Variants in RANBP17 observed in about 807,000 individuals in gnomAD.
RANBP17 encodes the protein ran-binding protein 17.
RANBP17 carries 158 observed loss-of-function variants against 141.2 expected under a neutral mutation model. The ratio of observed to expected loss-of-function variants is 1.12; its 90% CI spans 0.98 to 1.28. RANBP17 has a LOEUF of 1.28. RANBP17 is among the 50% of genes most tolerant of loss of function. RANBP17 has a pLI of 0.00. For synonymous variants in RANBP17, 430 were observed against 450.0 expected, an observed-to-expected ratio of 0.96 and a Z score of 0.56; for missense variants, 1,438 against 1,290.7, an observed-to-expected ratio of 1.11 and a Z score of -1.75.
chr5:171,249,366 A>G (rs900159017), intron 24 of RANBP17, among the ~76,000 whole-genome samples: 3 of 152,210 alleles, frequency 2.0e-5, no homozygotes, highest in African/African-American at 4.8e-5. Flanking sequence ...CACAGGAAAC[A>G]TGAAAACAAG....
At chr5:171,211,585 G>A (rs1762891463) in intron 20 of RANBP17, among the ~76,000 whole-genome samples, 1 of 143,498 alleles carries the variant, frequency 7.0e-6, no homozygotes, top group African/African-American at 2.6e-5. Context: ...TTTCTAATGT[G>A]TATTTATTTT....
chr5:171,148,530 C>G (rs576101836), intron 14 of RANBP17, among the ~76,000 whole-genome samples: 6 of 151,894 alleles, frequency 4.0e-5, no homozygotes, highest in Non-Finnish European at 8.8e-5. Flanking sequence ...TTGATGCTAT[C>G]AGATACTTGT....
At chr5:170,957,321 G>T (rs1284712863) in intron 13 of RANBP17, among the ~76,000 whole-genome samples, 1 of 152,054 alleles carries the variant, frequency 6.6e-6, no homozygotes, top group East Asian at 1.9e-4. Context: ...AGGGAGAAGA[G>T]TACATTTTTA....
At chr5:171,000,133 A>G (rs970989485) in intron 14 of RANBP17, among the ~76,000 whole-genome samples, 6 of 152,172 alleles carry the variant, frequency 3.9e-5, no homozygotes, top group African/African-American at 7.2e-5. Flanking sequence ...TTGCTTATCC[A>G]TTCATTCATC....
At chr5:171,153,404 A>G (rs916273490) in intron 14 of RANBP17, among the ~76,000 whole-genome samples, 3 of 152,196 alleles carry the variant, frequency 2.0e-5, no homozygotes, top group Non-Finnish European at 4.4e-5. Flanking sequence ...AATACTTATC[A>G]TTACAAATCT....
intron 14 of RANBP17, among the ~76,000 whole-genome samples, chr5:171,052,554 G>C (rs539065102): frequency 6.6e-6 from 1 of 152,070 alleles, no homozygotes; most frequent in African/African-American, 2.4e-5. Context: ...TTTACTTCTG[G>C]ATTCTCAATT....
At chr5:171,237,256 C>T (rs766505622) in intron 22 of RANBP17, among the ~76,000 whole-genome samples, 1 of 152,028 alleles carries the variant, frequency 6.6e-6, no homozygotes, top group Non-Finnish European at 1.5e-5. Flanking sequence ...AGAAGGAGAA[C>T]CCCAAGCAGT....
intron 14 of RANBP17, among the ~76,000 whole-genome samples, chr5:170,992,901 TC>T (rs1778598685): frequency 6.6e-6 from 1 of 152,082 alleles, no homozygotes; most frequent in Admixed American, 6.6e-5. Flanking sequence ...CTCCACATCT[TC>T]TGAATTAGAA....
At chr5:171,051,431 T>TTTC (rs1782946294) in intron 14 of RANBP17, among the ~76,000 whole-genome samples, 1 of 152,140 alleles carries the variant, frequency 6.6e-6, no homozygotes, top group East Asian at 1.9e-4. Flanking sequence ...ACTAATCTAC[T>TTTC]TTCTGTCTGT....
At chr5:170,953,163 A>G (rs181603994) in intron 12 of RANBP17, among the ~76,000 whole-genome samples, 14 of 152,266 alleles carry the variant, frequency 9.2e-5, no homozygotes, top group Middle Eastern at 3.4e-3. Context: ...GACATTGACC[A>G]TTCAGAAAAG....
At chr5:171,295,467 A>C (rs1378851842) in intron 26 of RANBP17, among the ~76,000 whole-genome samples, 1 of 152,206 alleles carries the variant, frequency 6.6e-6, no homozygotes, top group East Asian at 1.9e-4. Context: ...ATAAGGCCTG[A>C]GGAAAGACCC....
intron 21 of RANBP17, among the ~76,000 whole-genome samples, chr5:171,218,708 A>T (rs116534721): frequency 0.039 from 5,907 of 150,248 alleles, 368 homozygotes; most frequent in African/African-American, 0.14. Flanking sequence ...GTTTTATCAG[A>T]GACTAGATTG....
At chr5:170,888,783 T>C (rs1460876007) in intron 3 of RANBP17, among the ~76,000 whole-genome samples, 2 of 152,134 alleles carry the variant, frequency 1.3e-5, no homozygotes, top group Non-Finnish European at 2.9e-5. Flanking sequence ...CCAATCTTAG[T>C]GAGAAAGCTT....
At chr5:171,006,168 C>T (rs147669833) in intron 14 of RANBP17, among the ~76,000 whole-genome samples, 27 of 152,278 alleles carry the variant, frequency 1.8e-4, no homozygotes, top group African/African-American at 5.5e-4. Context: ...TTAGTTCAAC[C>T]ATTGTGGAAG....
At position 171,048,849 on chromosome 5, in the gene RANBP17, A is replaced by G. The variant is rs925975584; in HGVS notation, c.1710+80472A>G. On this transcript the variant is annotated intron_variant, in intron 14 of 27. Transcript: ENST00000523189. ...GGCTGCATAGTAGTGCACAGTGTGTATGTGCCACATTTTTTTATCCAGTCT... is the reference window on the plus strand; with the variant it reads ...GGCTGCATAGTAGTGCACAGTGTGTGTGTGCCACATTTTTTTATCCAGTCT... 2.6e-5 allele frequency among the ~76,000 whole-genome samples: 4 copies of G among 152,116 alleles called. No homozygotes were observed. In the South Asian group the frequency reaches 6.2e-4, roughly 24 times the overall value.
Position 170,896,112 on chromosome 5 carries a change from C to T in RANBP17, c.486C>T (p.Asn162=), listed in dbSNP as rs369464917. Residue 162 remains asparagine (N), a synonymous_variant, in exon 5 of 28, where the codon AAC becomes AAT. Transcript: ENST00000523189. Reference sequence around the variant, plus strand: ...TTTCTGAATTGACTCAGGAAATGAACCTGGTAAGCGAGCCTTTCCATCTAA... The same window carrying T: ...TTTCTGAATTGACTCAGGAAATGAATCTGGTAAGCGAGCCTTTCCATCTAA... The part of the protein sequence containing the change: ...IILSELTQEM[N]LVDYSRPSAK... The T allele has an allele frequency of 3.8e-5, 61 of 1,602,706 alleles. No homozygotes were observed. The highest frequency in any genetic ancestry group is 3.6e-4 in the Admixed American group (21 of 58,986).
chr5:170,867,780 A>T (rs1259345887), intron 1 of RANBP17, among the ~76,000 whole-genome samples: 2 of 152,192 alleles, frequency 1.3e-5, no homozygotes, highest in African/African-American at 4.8e-5. Flanking sequence ...AAATGTGTGT[A>T]AACTGTGCAA....
chr5:171,288,537 G>A, intron 25 of RANBP17, among the ~76,000 whole-genome samples: 1 of 152,224 alleles, frequency 6.6e-6, no homozygotes, highest in East Asian at 1.9e-4. Context: ...GCAGACCTAT[G>A]CACATATCCC....
At chr5:171,098,654 T>A (rs1279971852) in intron 14 of RANBP17, among the ~76,000 whole-genome samples, 1 of 152,234 alleles carries the variant, frequency 6.6e-6, no homozygotes, top group Admixed American at 6.5e-5. Flanking sequence ...AAATCCCATT[T>A]GTCAATTTTG....
Sources: allele counts gnomAD v4.1 joint callset (sites outside exome capture counted in the v4.1 genomes callset), GRCh38; gene constraint gnomAD v4.1.1; transcripts MANE v1.5; gene names NCBI Gene and HGNC (gene_info 2026-07-23, HGNC 2026-07-21).